Variants in GNL3 observed in about 807,000 individuals in gnomAD.
GNL3 encodes guanine nucleotide-binding protein-like 3.
GNL3 carries 77 observed loss-of-function variants against 70.6 expected under a neutral mutation model. The observed-to-expected ratio is 1.09, with a 90% CI of 0.91 to 1.32. The LOEUF is 1.32. Ranked by LOEUF, GNL3 falls within the 40% of genes most tolerant of loss-of-function variation. The pLI is 0.00. For synonymous variants in GNL3, 252 were observed against 216.1 expected, an observed-to-expected ratio of 1.17 and a Z score of -1.46; for missense variants, 634 against 644.0, an observed-to-expected ratio of 0.98 and a Z score of 0.17.
chr3:52,688,051 TTA>T (rs2097323947), intron 4 of GNL3, 56 bp from the exon 5 acceptor site: 2 of 937,188 alleles, frequency 2.1e-6, no homozygotes. Flanking sequence ...GAAAATGGAG[TTA>T]GAGGTTACAG....
At chr3:52,691,477 A>G in intron 8 of GNL3, 65 bp from the exon 9 acceptor site, 1 of 916,026 alleles carries the variant, frequency 1.1e-6, no homozygotes, top group Non-Finnish European at 1.8e-6. Context: ...AAAATTAGGC[A>G]GTGAAAATTT....
At position 52,689,127 on chromosome 3, in the gene GNL3, T is replaced by C. The variant is rs903217572; in HGVS notation, c.462T>C (p.Leu154=). 1.9e-6 allele frequency: 3 copies of C among 1,611,620 alleles called. No individual in the cohort carries two copies. The highest frequency in any genetic ancestry group is 2.7e-5 in the African/African-American group (2 of 74,890). ...AGGTGTTGGATGCCAGAGATCCTCTTGGTTGCAGATGTCCTCAGGTAGAAG... is the reference window on the plus strand; with the variant it reads ...AGGTGTTGGATGCCAGAGATCCTCTCGGTTGCAGATGTCCTCAGGTAGAAG... ...VLEVLDARDP[L]GCRCPQVEEA... is the part of the protein sequence containing the mutation. Residue 154 remains leucine, a synonymous_variant, in exon 6 of 15, where the codon CTT becomes CTC. Coordinates refer to ENST00000418458, the MANE Select transcript of GNL3 (RefSeq NM_014366.5).
chr3:52,688,353 G>C (rs2097324231), intron 5 of GNL3, 161 bp downstream of exon 5: 2 of 560,786 alleles, frequency 3.6e-6, no homozygotes, highest in South Asian at 4.6e-5. Flanking sequence ...CATCACCCAG[G>C]TATTAAGCCT....
At chr3:52,690,191 C>T (rs1036865449) in intron 6 of GNL3, among the ~76,000 whole-genome samples, 6 of 152,192 alleles carry the variant, frequency 3.9e-5, no homozygotes, top group South Asian at 2.1e-4. Context: ...AAATGTAAAC[C>T]AGAGTAAAAT....
At chr3:52,691,657 A>G in intron 9 of GNL3, 28 bp downstream of exon 9, 1 of 1,139,318 alleles carries the variant, frequency 8.8e-7, no homozygotes, top group African/African-American at 1.5e-5. Context: ...TAATTGTAAT[A>G]TTATAGTGAC....
chr3:52,687,401 G>C lies in GNL3; in HGVS notation c.210+18G>C. On this transcript the variant is annotated intron_variant, in intron 3 of 14. Coordinates refer to ENST00000418458, the MANE Select transcript of GNL3 (RefSeq NM_014366.5). ...AACAGAGGGTAAGTTATGTTAGCCA[G>C]AATTTTCATTGAGTGGTGTAGTGTG... 6.2e-7 allele frequency: 1 copy of C among 1,612,552 alleles called. No individual in the cohort carries two copies. Among genetic ancestry groups the C allele is most frequent in the Non-Finnish European group, 8.5e-7 (1 of 1,179,120 alleles).
At chr3:52,686,177 C>A (rs1047557282) in intron 1 of GNL3, 72 bp downstream of exon 1, 8 of 1,528,174 alleles carry the variant, frequency 5.2e-6, no homozygotes, top group African/African-American at 1.4e-5. Context: ...CGACGCTCTT[C>A]TACGGCTACG....
At chr3:52,686,704 T>C in intron 1 of GNL3, 65 bp from the exon 2 acceptor site, 1 of 1,210,154 alleles carries the variant, frequency 8.3e-7, no homozygotes, top group South Asian at 1.2e-5. Context: ...AGGATATAAC[T>C]CCATAGTGCG....
chr3:52,691,772 G>A lies in GNL3; in HGVS notation c.869+143G>A, dbSNP rs1426217637. ...GGCTGGAGGGCAATGGCGCAATCTC[G>A]GCTCACTGCAACCTCCACCTCTCAG... On this transcript the variant is annotated intron_variant, in intron 9 of 14. Coordinates refer to ENST00000418458, the MANE Select transcript of GNL3 (RefSeq NM_014366.5). 1.5e-5 allele frequency: 9 copies of A among 603,788 alleles called. No homozygotes were observed. The Admixed American group carries it at 1.6e-4, about 11-fold the overall frequency. 37.4% of individuals were successfully genotyped at this position (603,788 alleles called of 1,614,324 possible).
At chr3:52,688,972 T>G in intron 5 of GNL3, 102 bp from the exon 6 acceptor site, 2 of 912,642 alleles carry the variant, frequency 2.2e-6, no homozygotes, top group Non-Finnish European at 1.7e-6. Flanking sequence ...GCTAAATGGA[T>G]AATGCCAGTA....
intron 12 of GNL3, 38 bp downstream of exon 12, chr3:52,693,582 C>T (rs1262485640): frequency 3.7e-6 from 6 of 1,613,986 alleles, no homozygotes; most frequent in East Asian, 4.5e-5. Context: ...CATCAGCTGA[C>T]AGGCCAGTGG....
In GNL3 at chr3:52,694,020, TTTTC is replaced by T. The variant is rs765440956; in HGVS notation, c.1501-13_1501-10del. The T allele has an allele frequency of 9.3e-6, 15 of 1,607,662 alleles. No individual in the cohort carries two copies. Among genetic ancestry groups the T allele is most frequent in the Middle Eastern group, 3.3e-4 (2 of 6,068 alleles). ...ACAAGGGCTACTAATCCAGCACTAT[TTTTC>T]TTTGTCACACAGGAAAACAGCTCAG... On this transcript the variant is annotated splice_polypyrimidine_tract_variant and intron_variant, in intron 13 of 14. Coordinates refer to ENST00000418458, the MANE Select transcript of GNL3 (RefSeq NM_014366.5).
chr3:52,692,672 A>G (rs991216597), intron 9 of GNL3, 200 bp from the exon 10 acceptor site: 15 of 731,922 alleles, frequency 2.0e-5, no homozygotes, highest in Non-Finnish European at 3.8e-5. Context: ...TGATGTAAAT[A>G]TATAAGCTAT....
chr3:52,693,167 T>C lies in GNL3; in HGVS notation c.1045-20T>C, dbSNP rs1415107364. On this transcript the variant is annotated intron_variant, in intron 10 of 14. Transcript: ENST00000418458. The stretch of plus-strand genomic sequence containing the variant: ...CATGTCAGATGAAGGACAGCTCCTT[T>C]GTTTGGTTTTTTTTTTAAGGTAGTA... 6.3e-7 allele frequency: 1 copy of C among 1,593,326 alleles called. No homozygotes were observed.
intron 8 of GNL3, 192 bp downstream of exon 8, chr3:52,691,263 A>C: frequency 1.6e-6 from 1 of 617,304 alleles, no homozygotes; most frequent in Non-Finnish European, 2.8e-6. Flanking sequence ...AAACTTACAC[A>C]ACTGCTGCCA....
At chr3:52,689,006 G>C (rs1050644405) in intron 5 of GNL3, 68 bp from the exon 6 acceptor site, 7 of 1,342,510 alleles carry the variant, frequency 5.2e-6, no homozygotes, top group Non-Finnish European at 7.5e-6. Flanking sequence ...GGTATTACCA[G>C]AACAAGGGAT....
intron 8 of GNL3, 169 bp downstream of exon 8, chr3:52,691,240 A>G: frequency 1.6e-6 from 1 of 640,656 alleles, no homozygotes; most frequent in African/African-American, 1.8e-5. Flanking sequence ...AACCACACAC[A>G]ATTTAAAGAA....
At chr3:52,691,141 A>G (rs1307410405) in intron 8 of GNL3, 70 bp downstream of exon 8, 1 of 1,392,204 alleles carries the variant, frequency 7.2e-7, no homozygotes, top group Non-Finnish European at 1.0e-6. Context: ...CAGCTCTCCA[A>G]GTGCCCAAGC....
At chr3:52,693,601 C>T in intron 12 of GNL3, 31 bp from the exon 13 acceptor site, 26 of 1,613,914 alleles carry the variant, frequency 1.6e-5, no homozygotes, top group Non-Finnish European at 2.2e-5. Context: ...GGAGCTCTTA[C>T]CTGTTTACAT....
Sources: gnomAD v4.1 joint callset for allele counts (sites outside exome capture counted in the v4.1 genomes callset) on GRCh38, gnomAD v4.1.1 for gene constraint, MANE v1.5 for transcripts, NCBI Gene and HGNC (gene_info 2026-07-23, HGNC 2026-07-21) for gene names.